The following SGCZ variants were observed in gnomAD, a reference collection of about 807,000 sequenced individuals.
SGCZ encodes sarcoglycan zeta.
A neutral mutation model predicts 41.3 loss-of-function variants in SGCZ; 40 were observed. The ratio of observed to expected loss-of-function variants is 0.97; its 90% CI spans 0.75 to 1.26. SGCZ has a LOEUF of 1.26. Ranked by LOEUF, SGCZ falls within the 50% of genes most tolerant of loss-of-function variation. The pLI, the probability that SGCZ is intolerant of heterozygous loss-of-function variation, is 0.00. For missense variants in SGCZ, 552 were observed against 369.8 expected, an observed-to-expected ratio of 1.49 and a Z score of -4.04; for synonymous variants, 206 against 137.5, an observed-to-expected ratio of 1.50 and a Z score of -3.49.
At chr8:14,418,019 C>A (rs146547914) in intron 2 of SGCZ, among the ~76,000 whole-genome samples, 2 of 151,750 alleles carry the variant, frequency 1.3e-5, no homozygotes, top group African/African-American at 4.8e-5. Context: ...AGTCCTGATC[C>A]TTTTGTACCA....
intron 1 of SGCZ, among the ~76,000 whole-genome samples, chr8:14,744,325 C>T (rs1275412674): frequency 1.3e-5 from 2 of 152,098 alleles, no homozygotes; most frequent in Non-Finnish European, 2.9e-5. Context: ...ACAGCTGATC[C>T]TTCTGTTTGG....
chr8:14,246,195 A>C (rs556534092), intron 3 of SGCZ, among the ~76,000 whole-genome samples: 10 of 152,296 alleles, frequency 6.6e-5, no homozygotes, highest in East Asian at 5.8e-4. Flanking sequence ...TTGGAACCAA[A>C]CCAAATGTCC....
intron 1 of SGCZ, among the ~76,000 whole-genome samples, chr8:15,216,231 T>TTC (rs1178511633): frequency 6.7e-6 from 1 of 148,412 alleles, no homozygotes; most frequent in Non-Finnish European, 1.5e-5. Context: ...TTCTTTTTTT[T>TTC]TTTTTTTTGA....
chr8:14,513,369 T>C (rs1352455404), intron 2 of SGCZ, among the ~76,000 whole-genome samples: 1 of 152,054 alleles, frequency 6.6e-6, no homozygotes, highest in African/African-American at 2.4e-5. Context: ...AAAAAGTATT[T>C]CATTTTACTA....
chr8:15,213,050 T>A (rs1801285862), intron 1 of SGCZ, among the ~76,000 whole-genome samples: 1 of 152,124 alleles, frequency 6.6e-6, no homozygotes, highest in Admixed American at 6.5e-5. Context: ...CACAAAAGCA[T>A]TTAATACCAT....
chr8:14,090,635 T>C lies in SGCZ; in HGVS notation c.747A>G (p.Ile249Met), dbSNP rs370210024. The change falls in exon 8 of 8, where the codon ATA (isoleucine) becomes ATG (methionine). Residue 249 changes from isoleucine to methionine, a missense_variant and splice_region_variant. By Grantham distance (10) the Ile-to-Met change is conservative (BLOSUM62 1). Coordinates refer to ENST00000382080, the MANE Select transcript of SGCZ (RefSeq NM_139167.4). ...GCTTGATTGTCTCTGCATTTAAAAA[T>C]ATCTATGGGAAAAAAGAAATTGCAT... ...ELHLQSTEGE[I>M]FLNAETIKLG... 1 of 1,606,728 alleles carries C rather than the reference T, an allele frequency of 6.2e-7. No individual in the cohort carries two copies. Among genetic ancestry groups the C allele is most frequent in the Non-Finnish European group, 8.5e-7 (1 of 1,177,770 alleles).
chr8:14,568,502 G>C (rs1804452346), intron 1 of SGCZ, among the ~76,000 whole-genome samples: 2 of 149,838 alleles, frequency 1.3e-5, no homozygotes, highest in Admixed American at 1.3e-4. Context: ...GACTTTTGGA[G>C]GATTTATATG....
chr8:15,053,728 GAC>G (rs745573733), intron 1 of SGCZ, among the ~76,000 whole-genome samples: 2 of 152,156 alleles, frequency 1.3e-5, no homozygotes, highest in Admixed American at 6.5e-5. Context: ...ATGCTGTGCT[GAC>G]ACATAGGTTT....
At chr8:14,342,152 C>T (rs922702714) in intron 2 of SGCZ, among the ~76,000 whole-genome samples, 3 of 152,082 alleles carry the variant, frequency 2.0e-5, no homozygotes, top group East Asian at 1.9e-4. Flanking sequence ...AAGTTCCAGG[C>T]TTATTCCAGG....
intron 1 of SGCZ, among the ~76,000 whole-genome samples, chr8:15,131,829 A>C (rs1807915193): frequency 6.6e-6 from 1 of 152,322 alleles, no homozygotes; most frequent in African/African-American, 2.4e-5. Context: ...GAGAAGAATA[A>C]ATATAGTTTT....
chr8:14,901,981 C>G (rs925737766), intron 1 of SGCZ, among the ~76,000 whole-genome samples: 1 of 152,186 alleles, frequency 6.6e-6, no homozygotes, highest in Non-Finnish European at 1.5e-5. Flanking sequence ...AAATCACTCA[C>G]TAACTGGTAT....
intron 1 of SGCZ, among the ~76,000 whole-genome samples, chr8:15,097,283 C>G (rs1806385099): frequency 6.6e-6 from 1 of 152,118 alleles, no homozygotes; most frequent in Non-Finnish European, 1.5e-5. Context: ...CCTTTATAAT[C>G]TTATATATTT....
intron 1 of SGCZ, among the ~76,000 whole-genome samples, chr8:15,124,978 G>A (rs187702263): frequency 9.3e-4 from 142 of 152,180 alleles, no homozygotes; most frequent in African/African-American, 3.3e-3. Flanking sequence ...TATAAAAGTA[G>A]AGGAAATGCT....
At chr8:14,992,955 A>ACCCAT (rs2130897686) in intron 1 of SGCZ, among the ~76,000 whole-genome samples, 1 of 125,132 alleles carries the variant, frequency 8.0e-6, no homozygotes, top group East Asian at 2.5e-4. Flanking sequence ...TTTACCCCCC[A>ACCCAT]CCCATCCTCC....
chr8:14,272,501 T>C (rs1032258234), intron 3 of SGCZ, among the ~76,000 whole-genome samples: 53 of 152,206 alleles, frequency 3.5e-4, no homozygotes, highest in African/African-American at 1.0e-3. Context: ...AATGACTTAA[T>C]GTTGGCTGAT....
intron 1 of SGCZ, among the ~76,000 whole-genome samples, chr8:14,915,505 G>C (rs916861487): frequency 3.3e-5 from 5 of 152,150 alleles, no homozygotes; most frequent in South Asian, 4.1e-4. Flanking sequence ...GAAGGAACCA[G>C]GGCCTAGACA....
intron 2 of SGCZ, among the ~76,000 whole-genome samples, chr8:14,469,073 T>G (rs1040550461): frequency 1.3e-5 from 2 of 152,068 alleles, no homozygotes; most frequent in Admixed American, 1.3e-4. Context: ...CAAAATGGAT[T>G]ATTTCAAAAT....
At chr8:14,931,114 G>T (rs990142078) in intron 1 of SGCZ, among the ~76,000 whole-genome samples, 1 of 151,970 alleles carries the variant, frequency 6.6e-6, no homozygotes, top group Non-Finnish European at 1.5e-5. Context: ...TTAACGAGGT[G>T]TCTTAGATAT....
chr8:14,198,561 C>A (rs1805351826), intron 4 of SGCZ, among the ~76,000 whole-genome samples: 1 of 151,084 alleles, frequency 6.6e-6, no homozygotes, highest in Non-Finnish European at 1.5e-5. Flanking sequence ...ACCTCAGAAA[C>A]AAATTGCACA....
Sources: allele counts gnomAD v4.1 joint callset (sites outside exome capture counted in the v4.1 genomes callset), GRCh38; gene constraint gnomAD v4.1.1; transcripts MANE v1.5; gene names NCBI Gene and HGNC (gene_info 2026-07-23, HGNC 2026-07-21).